PSMA8: variants seen among roughly 807,000 people sequenced by gnomAD.
The protein encoded by PSMA8 is proteasome subunit alpha-type 8.
PSMA8 carries 18 observed loss-of-function variants against 32.4 expected under a neutral mutation model. That is an observed-to-expected ratio of 0.56 (90% CI 0.38 to 0.82). The LOEUF (loss-of-function observed/expected upper bound fraction) is 0.82, where lower values mean the gene tolerates loss of function less well. Ranked by LOEUF, PSMA8 falls within the 40% of genes least tolerant of loss-of-function variation. The pLI is 0.00. For missense variants in PSMA8, 298 were observed against 300.7 expected, an observed-to-expected ratio of 0.99 and a Z score of 0.07; for synonymous variants, 104 against 98.1, an observed-to-expected ratio of 1.06 and a Z score of -0.36.
intron 4 of PSMA8, among the ~76,000 whole-genome samples, chr18:26,160,722 G>T (rs991467727): frequency 6.6e-6 from 1 of 152,244 alleles, no homozygotes; most frequent in Non-Finnish European, 1.5e-5. Flanking sequence ...GGAAAAGATA[G>T]AATGGGTAGG....
At chr18:26,160,855 T>A (rs1372216132) in intron 4 of PSMA8, among the ~76,000 whole-genome samples, 1 of 152,214 alleles carries the variant, frequency 6.6e-6, no homozygotes, top group Non-Finnish European at 1.5e-5. Context: ...AACACAGATT[T>A]TATTTATGAG....
intron 6 of PSMA8, among the ~76,000 whole-genome samples, chr18:26,182,989 G>A (rs1598671407): frequency 6.6e-6 from 1 of 151,750 alleles, no homozygotes; most frequent in East Asian, 1.9e-4. Context: ...CTACTTAGGA[G>A]GCTGAGGCAG....
At chr18:26,165,578 C>A (rs953984403) in intron 4 of PSMA8, among the ~76,000 whole-genome samples, 7 of 152,030 alleles carry the variant, frequency 4.6e-5, no homozygotes, top group African/African-American at 1.7e-4. Context: ...TTTTCCCCCC[C>A]CAAGATTGGC....
intron 1 of PSMA8, among the ~76,000 whole-genome samples, chr18:26,134,940 G>T (rs1358746353): frequency 1.3e-5 from 2 of 150,256 alleles, no homozygotes; most frequent in African/African-American, 4.9e-5. Context: ...GGCAACAAAA[G>T]CGAAACTCCG....
chr18:26,142,790 T>A (rs910545916), intron 1 of PSMA8, among the ~76,000 whole-genome samples: 2 of 152,178 alleles, frequency 1.3e-5, no homozygotes. Flanking sequence ...AAACAAGCTC[T>A]CTTAGGCCTC....
At chr18:26,139,900 T>C in intron 1 of PSMA8, 1 of 572,810 alleles carries the variant, frequency 1.7e-6, no homozygotes, top group Non-Finnish European at 3.1e-6. Flanking sequence ...GTTGAACTTC[T>C]CAATTTGTTC....
At chr18:26,139,841 T>C (rs919935061) in intron 1 of PSMA8, among the ~76,000 whole-genome samples, 1 of 152,192 alleles carries the variant, frequency 6.6e-6, no homozygotes, top group Non-Finnish European at 1.5e-5. Flanking sequence ...TAAAGTGGAA[T>C]GGTCTTAAAA....
intron 6 of PSMA8, among the ~76,000 whole-genome samples, chr18:26,181,560 A>G (rs2055311593): frequency 6.6e-6 from 1 of 152,244 alleles, no homozygotes; most frequent in South Asian, 2.1e-4. Context: ...GGCAGTCAAA[A>G]GCCAAGACAG....
At chr18:26,179,006 TTTTG>T (rs1441813595) in intron 5 of PSMA8, 57 bp downstream of exon 5, 34 of 1,607,548 alleles carry the variant, frequency 2.1e-5, no homozygotes, top group Middle Eastern at 1.7e-4. Flanking sequence ...CCTCATCCAT[TTTTG>T]TTTATTAAAC....
chr18:26,180,645 G>A (rs572056044), intron 6 of PSMA8, among the ~76,000 whole-genome samples: 3 of 151,628 alleles, frequency 2.0e-5, no homozygotes, highest in Non-Finnish European at 2.9e-5. Context: ...AACCACTGAG[G>A]CCAGAGTTTG....
intron 4 of PSMA8, among the ~76,000 whole-genome samples, chr18:26,163,241 A>G (rs1396279781): frequency 2.3e-5 from 3 of 127,718 alleles, no homozygotes; most frequent in African/African-American, 6.8e-5. Context: ...ATATATATAT[A>G]TATATATATA....
At chr18:26,188,130 A>G (rs1432146087) in intron 6 of PSMA8, among the ~76,000 whole-genome samples, 2 of 152,162 alleles carry the variant, frequency 1.3e-5, no homozygotes, top group African/African-American at 4.8e-5. Context: ...CAGTAACTAG[A>G]GGAATTTTGG....
At chr18:26,187,394 T>G (rs557294617) in intron 6 of PSMA8, among the ~76,000 whole-genome samples, 2 of 151,934 alleles carry the variant, frequency 1.3e-5, no homozygotes, top group East Asian at 1.9e-4. Context: ...ATACCAGCAT[T>G]TGGGGAGACT....
chr18:26,143,985 G>C (rs2054981013), intron 1 of PSMA8, among the ~76,000 whole-genome samples: 1 of 152,122 alleles, frequency 6.6e-6, no homozygotes. Context: ...GCCTCCCAAA[G>C]TGCTAGGATT....
intron 2 of PSMA8, among the ~76,000 whole-genome samples, chr18:26,145,309 G>T (rs185387593): frequency 3.4e-4 from 52 of 152,110 alleles, no homozygotes; most frequent in African/African-American, 1.2e-3. Flanking sequence ...GTGGAGACGG[G>T]GTTTCTCCAT....
At chr18:26,154,201 C>T (rs186264968) in intron 3 of PSMA8, among the ~76,000 whole-genome samples, 3 of 152,242 alleles carry the variant, frequency 2.0e-5, no homozygotes, top group East Asian at 3.9e-4. Flanking sequence ...TGCGCCCAGT[C>T]AAATTTTACC....
At chr18:26,156,805 G>C (rs2055093412) in intron 3 of PSMA8, among the ~76,000 whole-genome samples, 1 of 149,366 alleles carries the variant, frequency 6.7e-6, no homozygotes. Context: ...TTGTTTTTTT[G>C]AGACAGGATC....
intron 2 of PSMA8, among the ~76,000 whole-genome samples, chr18:26,145,830 A>G (rs1233236532): frequency 6.6e-6 from 1 of 152,156 alleles, no homozygotes. Context: ...ATTTGTTTAC[A>G]GATTTTTGAG....
Position 26,156,656 on chromosome 18 carries a change from T to A in PSMA8, c.355-1466T>A, listed in dbSNP as rs531099648. ...AGCATACTGTGTGTGTATATATATTTTATATATATAATAATGTGTGTGTAT... is the reference window on the plus strand; with the variant it reads ...AGCATACTGTGTGTGTATATATATTATATATATATAATAATGTGTGTGTAT... On this transcript the variant is annotated intron_variant, in intron 3 of 6. Transcript: ENST00000415576. Among the ~76,000 whole-genome samples, 201 of 148,278 alleles carry A rather than the reference T, an allele frequency of 1.4e-3. 1 individual carries two copies. The highest frequency in any genetic ancestry group is 4.4e-3 in the African/African-American group (180 of 40,820).
Sources: allele counts gnomAD v4.1 joint callset (sites outside exome capture counted in the v4.1 genomes callset), GRCh38; gene constraint gnomAD v4.1.1; transcripts MANE v1.5; gene names NCBI Gene and HGNC (gene_info 2026-07-23, HGNC 2026-07-21).